Variants in DOCK4 observed in about 807,000 individuals in gnomAD.
DOCK4 encodes dedicator of cytokinesis 4.
DOCK4 carries 97 observed loss-of-function variants against 268.1 expected under a neutral mutation model. The observed-to-expected ratio is 0.36, with a 90% CI of 0.31 to 0.43. The LOEUF is 0.43. DOCK4 is among the 20% of genes least tolerant of loss of function. The pLI is 1.00. For synonymous variants in DOCK4, 954 were observed against 887.2 expected, an observed-to-expected ratio of 1.08 and a Z score of -1.34; for missense variants, 2,145 against 2,455.7, an observed-to-expected ratio of 0.87 and a Z score of 2.67.
At position 111,944,793 on chromosome 7, in the gene DOCK4, G is replaced by T; in HGVS notation, c.844+18C>A. The T allele has an allele frequency of 6.2e-7, 1 of 1,612,210 alleles. No homozygotes were observed. The highest frequency in any genetic ancestry group is 1.1e-5 in the South Asian group (1 of 91,024). Reference sequence around the variant, plus strand: ...CTCTGTTCCTTGCCCCTACTGCACTGACAAGTGTTATACCTACCGATTCGG... The same window carrying T: ...CTCTGTTCCTTGCCCCTACTGCACTTACAAGTGTTATACCTACCGATTCGG... On this transcript the variant is annotated intron_variant, in intron 10 of 52. Coordinates refer to ENST00000428084, the MANE Select transcript of DOCK4 (RefSeq NM_001363540.2).
At chr7:111,779,156 A>T (rs10271296) in intron 35 of DOCK4, among the ~76,000 whole-genome samples, 1 of 151,964 alleles carries the variant, frequency 6.6e-6, no homozygotes, top group East Asian at 1.9e-4. Context: ...AATGGGAAAG[A>T]GGGTAAATAA....
chr7:111,915,771 T>C lies in DOCK4; in HGVS notation c.1192+8A>G. 1 of 1,612,506 alleles carries C rather than the reference T, an allele frequency of 6.2e-7. No homozygotes were observed. The highest frequency in any genetic ancestry group is 8.5e-7 in the Non-Finnish European group (1 of 1,179,386). Reference sequence around the variant, plus strand: ...TTTCATCATATCGGTACGTCCCAAGTCACCTACCAGGCATAATAATATTTG... The same window carrying C: ...TTTCATCATATCGGTACGTCCCAAGCCACCTACCAGGCATAATAATATTTG... On this transcript the variant is annotated splice_region_variant and intron_variant, in intron 13 of 52. Coordinates refer to ENST00000428084, the MANE Select transcript of DOCK4 (RefSeq NM_001363540.2).
At chr7:112,150,330 T>C (rs965351472) in intron 1 of DOCK4, among the ~76,000 whole-genome samples, 2 of 152,174 alleles carry the variant, frequency 1.3e-5, no homozygotes, top group Admixed American at 6.5e-5. Context: ...AGGTAATTTA[T>C]GGGTACAGCC....
rs1795720782 is a variant in DOCK4 at position 111,739,216 on chromosome 7, T to C, written c.5150A>G (p.Lys1717Arg). Reference protein sequence around the residue: ...RASPLLSDKHKHSRENSCLSP... With the variant: ...RASPLLSDKHRHSRENSCLSP... Reference sequence around the variant, plus strand: ...CAGGCAAGAGTTTTCTCGGGAATGTTTGTGTTTGTCAGACAACAAAGGAGA... The same window carrying C: ...CAGGCAAGAGTTTTCTCGGGAATGTCTGTGTTTGTCAGACAACAAAGGAGA... The change falls in exon 49 of 53, where the codon AAA becomes AGA. Residue 1717 changes from lysine (K) to arginine (R), a missense_variant. Transcript: ENST00000428084. 1.4e-5 allele frequency: 23 copies of C among 1,614,008 alleles called. No individual in the cohort carries two copies. The highest frequency in any genetic ancestry group is 1.9e-5 in the Non-Finnish European group (23 of 1,179,882).
intron 32 of DOCK4, among the ~76,000 whole-genome samples, chr7:111,786,513 G>A (rs1357396552): frequency 6.6e-6 from 1 of 152,188 alleles, no homozygotes; most frequent in Non-Finnish European, 1.5e-5. Context: ...ATGCATTAAT[G>A]AAGATAATGT....
At chr7:111,818,725 C>A (rs1300006893) in intron 27 of DOCK4, among the ~76,000 whole-genome samples, 1 of 152,176 alleles carries the variant, frequency 6.6e-6, no homozygotes, top group East Asian at 1.9e-4. Flanking sequence ...CTGGTTCCTT[C>A]CCTCCCCACA....
At chr7:112,135,963 G>A (rs1814305707) in intron 1 of DOCK4, among the ~76,000 whole-genome samples, 1 of 152,056 alleles carries the variant, frequency 6.6e-6, no homozygotes, top group South Asian at 2.1e-4. Context: ...TAAATCTTCA[G>A]CCAAGCTGAG....
At chr7:112,016,899 C>T (rs1286405312) in intron 1 of DOCK4, among the ~76,000 whole-genome samples, 2 of 152,256 alleles carry the variant, frequency 1.3e-5, no homozygotes, top group South Asian at 2.1e-4. Flanking sequence ...ATATTACTTC[C>T]TTAACCAAAT....
intron 4 of DOCK4, among the ~76,000 whole-genome samples, chr7:111,994,706 A>G (rs1799789896): frequency 6.6e-6 from 1 of 152,208 alleles, no homozygotes; most frequent in Non-Finnish European, 1.5e-5. Context: ...ATAAGTAACT[A>G]GACACTGAGA....
At chr7:112,011,167 C>T (rs1801262136) in intron 1 of DOCK4, among the ~76,000 whole-genome samples, 2 of 152,356 alleles carry the variant, frequency 1.3e-5, no homozygotes, top group Non-Finnish European at 2.9e-5. Flanking sequence ...TCTGCAGGGC[C>T]ATTCCCACTT....
At chr7:112,021,416 C>A (rs375291831) in intron 1 of DOCK4, among the ~76,000 whole-genome samples, 9 of 152,092 alleles carry the variant, frequency 5.9e-5, no homozygotes, top group Non-Finnish European at 1.2e-4. Flanking sequence ...GAAAACAATA[C>A]CTATTTATCC....
chr7:112,174,575 A>G (rs943269680), intron 1 of DOCK4, among the ~76,000 whole-genome samples: 2 of 152,202 alleles, frequency 1.3e-5, no homozygotes, highest in Non-Finnish European at 2.9e-5. Flanking sequence ...CCATATATGT[A>G]TATGAAAGAA....
In DOCK4 at chr7:111,900,553, C is replaced by G; in HGVS notation, c.1318-17G>C. 1 of 1,605,154 alleles carries G rather than the reference C, an allele frequency of 6.2e-7. No individual in the cohort carries two copies. On this transcript the variant is annotated splice_polypyrimidine_tract_variant and intron_variant, in intron 14 of 52. Coordinates refer to ENST00000428084, the MANE Select transcript of DOCK4 (RefSeq NM_001363540.2). ...GATAAAATCCTAACAAAGGGAAGAA[C>G]ACACAGGTTAAAGAGAGCTTCATCT...
intron 28 of DOCK4, among the ~76,000 whole-genome samples, chr7:111,810,686 A>T (rs1801059038): frequency 6.6e-6 from 1 of 152,070 alleles, no homozygotes; most frequent in Admixed American, 6.6e-5. Flanking sequence ...AATTCCACTA[A>T]TAAATATTTA....
At chr7:111,751,754 A>T (rs750362806) in intron 42 of DOCK4, among the ~76,000 whole-genome samples, 1 of 150,280 alleles carries the variant, frequency 6.7e-6, no homozygotes. Flanking sequence ...CTAAAAATAT[A>T]TAATTTTTTT....
intron 24 of DOCK4, among the ~76,000 whole-genome samples, chr7:111,846,237 G>A (rs1804088742): frequency 6.6e-6 from 1 of 152,148 alleles, no homozygotes; most frequent in South Asian, 2.1e-4. Context: ...CAGGATTCTT[G>A]GCACTCATTG....
chr7:112,104,616 A>G (rs1408459681), intron 1 of DOCK4, among the ~76,000 whole-genome samples: 1 of 152,218 alleles, frequency 6.6e-6, no homozygotes, highest in Admixed American at 6.5e-5. Flanking sequence ...TGTATTGGAG[A>G]GCATAATTTG....
intron 1 of DOCK4, among the ~76,000 whole-genome samples, chr7:112,127,312 A>G (rs1813317640): frequency 6.6e-6 from 1 of 151,042 alleles, no homozygotes; most frequent in Non-Finnish European, 1.5e-5. Context: ...TCGCAAGGAC[A>G]AAAAACCAAA....
At position 112,078,088 on chromosome 7, in the gene DOCK4, A is replaced by G. The variant is rs191908786; in HGVS notation, c.38-73957T>C. Among the ~76,000 whole-genome samples, 5 of 152,328 alleles carry G rather than the reference A, an allele frequency of 3.3e-5. No homozygotes were observed. The East Asian group carries it at 9.6e-4, about 29-fold the overall frequency. On this transcript the variant is annotated intron_variant, in intron 1 of 52. Coordinates refer to ENST00000428084, the MANE Select transcript of DOCK4 (RefSeq NM_001363540.2). ...AGAAAATTGTTCTCTACTAAATGGTATACTGATACATGAATCAATTCAATA... is the reference window on the plus strand; with the variant it reads ...AGAAAATTGTTCTCTACTAAATGGTGTACTGATACATGAATCAATTCAATA...
Sources: allele counts gnomAD v4.1 joint callset (sites outside exome capture counted in the v4.1 genomes callset), GRCh38; gene constraint gnomAD v4.1.1; transcripts MANE v1.5; gene names NCBI Gene and HGNC (gene_info 2026-07-23, HGNC 2026-07-21).